The following TCF12 variants were observed in gnomAD, a reference collection of about 807,000 sequenced individuals.
The protein encoded by TCF12 is DNA-binding protein HTF4.
TCF12 carries 45 observed loss-of-function variants against 86.0 expected under a neutral mutation model. That is an observed-to-expected ratio of 0.52 (90% confidence interval 0.41 to 0.67). TCF12 has a LOEUF of 0.67. TCF12 is among the 30% of genes least tolerant of loss of function. The pLI, the probability that TCF12 is intolerant of heterozygous loss-of-function variation, is 0.00. For synonymous variants in TCF12, 330 were observed against 299.6 expected (o/e 1.10, Z -1.05); for missense variants, 881 against 859.9 (o/e 1.02, Z -0.31).
rs2060625195 is a variant in TCF12 at position 57,262,271 on chromosome 15, C to T, written c.1582+63C>T. 6.0e-6 allele frequency: 7 copies of T among 1,163,858 alleles called. No individual in the cohort carries two copies. The East Asian group carries it at 1.8e-4, about 29-fold the overall frequency. 72.1% of individuals were successfully genotyped at this position (1,163,858 alleles called of 1,614,324 possible). A position where few individuals can be genotyped will look rare whatever the true frequency, so the allele number is the denominator to read the frequency against. ...GAGATATCATTTGGAACACTGTCAC[C>T]TTTCTCACAGCTGGATTGACATCTG... On this transcript the variant is annotated intron_variant, in intron 17 of 20. Coordinates refer to ENST00000333725, the MANE Select transcript of TCF12 (RefSeq NM_207037.2).
chr15:57,218,966 C>A (rs1441248322), intron 8 of TCF12: 8 of 925,164 alleles, frequency 8.6e-6, no homozygotes, highest in Non-Finnish European at 1.0e-5. Context: ...CTGTCTAGAT[C>A]CTTCTTGTTA....
chr15:57,264,195 C>CTTTTTGTTTTTTTTTTTT (rs2060728964), intron 18 of TCF12, among the ~76,000 whole-genome samples: 1 of 50,698 alleles, frequency 2.0e-5, no homozygotes, highest in African/African-American at 1.0e-4. Flanking sequence ...CTTTTGTAAG[C>CTTTTTGTTTTTTTTTTTT]TTTTTTTTTT....
At chr15:57,055,279 G>C (rs933105283) in intron 3 of TCF12, among the ~76,000 whole-genome samples, 1 of 152,148 alleles carries the variant, frequency 6.6e-6, no homozygotes, top group African/African-American at 2.4e-5. Flanking sequence ...GCGCACGCCG[G>C]TAATCCCAGC....
chr15:56,978,598 A>G (rs1157634851), intron 3 of TCF12, among the ~76,000 whole-genome samples: 2 of 152,358 alleles, frequency 1.3e-5, no homozygotes, highest in Admixed American at 1.3e-4. Flanking sequence ...GAATATTTTT[A>G]TTCCATTATT....
At chr15:57,130,240 G>A (rs1596696326) in intron 5 of TCF12, among the ~76,000 whole-genome samples, 2 of 152,210 alleles carry the variant, frequency 1.3e-5, no homozygotes, top group Non-Finnish European at 2.9e-5. Flanking sequence ...CAGCTAGAAT[G>A]GTTGAAGAAC....
At chr15:57,141,608 C>T (rs965028246) in intron 5 of TCF12, among the ~76,000 whole-genome samples, 12 of 152,210 alleles carry the variant, frequency 7.9e-5, no homozygotes, top group Admixed American at 1.3e-4. Flanking sequence ...CTCAGCCTCC[C>T]GAAGTGCTGG....
At chr15:56,984,470 T>C (rs1206829852) in intron 3 of TCF12, among the ~76,000 whole-genome samples, 4 of 152,102 alleles carry the variant, frequency 2.6e-5, no homozygotes, top group Non-Finnish European at 5.9e-5. Context: ...CATGAACAAA[T>C]TCTCTTGTCA....
At chr15:57,073,467 A>G (rs1248742263) in intron 4 of TCF12, among the ~76,000 whole-genome samples, 1 of 152,094 alleles carries the variant, frequency 6.6e-6, no homozygotes, top group African/African-American at 2.4e-5. Context: ...AGCACTTGTC[A>G]CAATTTAGTT....
At chr15:57,053,946 G>A (rs2067810667) in intron 3 of TCF12, among the ~76,000 whole-genome samples, 2 of 152,182 alleles carry the variant, frequency 1.3e-5, no homozygotes, top group African/African-American at 4.8e-5. Flanking sequence ...GGTTTTGCTG[G>A]TGTGATCCAG....
intron 5 of TCF12, among the ~76,000 whole-genome samples, chr15:57,155,517 A>T (rs1173776364): frequency 1.3e-5 from 2 of 152,146 alleles, no homozygotes; most frequent in Non-Finnish European, 2.9e-5. Context: ...TTAGCAGGCC[A>T]GGCATGGTGG....
rs546073970 is a variant in TCF12 at position 57,285,602 on chromosome 15, A to T, written c.*12-555A>T. On this transcript the variant is annotated intron_variant, in intron 20 of 20. Transcript: ENST00000333725. The stretch of plus-strand genomic sequence containing the variant: ...ACTGTGGTTGAGTGGAGGCAGCAGC[A>T]AATTGAGGGCTTTACCATTGTCTCA... 1.8e-4 allele frequency among the ~76,000 whole-genome samples: 27 copies of T among 152,176 alleles called. 1 individual carries two copies. In the South Asian group the frequency reaches 5.6e-3, roughly 32 times the overall value.
At chr15:57,151,838 C>T (rs2053784147) in intron 5 of TCF12, among the ~76,000 whole-genome samples, 1 of 151,834 alleles carries the variant, frequency 6.6e-6, no homozygotes, top group Non-Finnish European at 1.5e-5. Flanking sequence ...GGCCCAAGCA[C>T]ACAGTTTCTG....
chr15:57,288,381 T>TTATTGATTA lies in TCF12; in HGVS notation c.*2237_*2238insATTGATTAT, dbSNP rs1487750644. The TTATTGATTA allele has an allele frequency of 1.3e-5, 2 of 152,648 alleles. No homozygotes were observed. Among genetic ancestry groups the TTATTGATTA allele is most frequent in the African/African-American group, 4.8e-5 (2 of 41,450 alleles). The allele number at this position is 152,648 out of a possible 1,614,324, so 9.5% of individuals were successfully genotyped here. ...TTGCAGATTTGTATCCTGTGTCAAA[T>TTATTGATTA]TCAAGGTATTATTGATAAACCTTTT... On this transcript the variant is annotated 3_prime_UTR_variant, in exon 21 of 21. Coordinates refer to ENST00000333725, the MANE Select transcript of TCF12 (RefSeq NM_207037.2).
rs879824800 is a variant in TCF12 at position 56,958,692 on chromosome 15, T to A, written c.148+37594T>A. On this transcript the variant is annotated intron_variant, in intron 3 of 20. Coordinates refer to ENST00000333725, the MANE Select transcript of TCF12 (RefSeq NM_207037.2). ...GAGAGAGAGAGAGTGTGTGTGTGTG[T>A]GTGTGTGTGTGTGTGTGTGTGTGAA... Among the ~76,000 whole-genome samples, 100 of 63,668 alleles carry A rather than the reference T, an allele frequency of 1.6e-3. 2 individuals carry two copies. Among genetic ancestry groups the A allele is most frequent in the Admixed American group, 8.9e-3 (58 of 6,498 alleles). 41.8% of individuals were successfully genotyped at this position (63,668 alleles called of 152,430 possible). A position where few individuals can be genotyped will look rare whatever the true frequency, so the allele number is the denominator to read the frequency against.
rs55707134 is a variant in TCF12, at chr15:56,958,678, AGTGTGTGT to A, written c.148+37610_148+37617del. On this transcript the variant is annotated intron_variant, in intron 3 of 20. Coordinates refer to ENST00000333725, the MANE Select transcript of TCF12 (RefSeq NM_207037.2). ...ATATGAGAAAGAGAGAGAGAGAGAG[AGTGTGTGT>A]GTGTGTGTGTGTGTGTGTGTGTGTG... Among the ~76,000 whole-genome samples, 315 of 142,200 alleles carry A rather than the reference AGTGTGTGT, an allele frequency of 2.2e-3. 1 individual carries two copies. The highest frequency in any genetic ancestry group is 7.1e-3 in the African/African-American group (253 of 35,462). The allele number at this position is 142,200 out of a possible 152,430, so 93.3% of individuals were successfully genotyped here.
chr15:56,987,690 A>G (rs2063262696), intron 3 of TCF12, among the ~76,000 whole-genome samples: 1 of 152,244 alleles, frequency 6.6e-6, no homozygotes, highest in African/African-American at 2.4e-5. Context: ...TTGTTTACCA[A>G]TTAACATTGT....
chr15:57,239,564 G>T (rs2059525286), intron 12 of TCF12, among the ~76,000 whole-genome samples: 1 of 151,222 alleles, frequency 6.6e-6, no homozygotes, highest in Non-Finnish European at 1.5e-5. Flanking sequence ...GGGCAATTAT[G>T]TATAGGATGG....
chr15:57,192,383 T>C (rs2057028277), intron 7 of TCF12, 90 bp downstream of exon 7: 1 of 1,516,568 alleles, frequency 6.6e-7, no homozygotes, highest in South Asian at 1.3e-5. Context: ...GCTTTTTTTT[T>C]TTTTTCTTTC....
At chr15:57,095,018 T>C (rs1311574404) in intron 5 of TCF12, among the ~76,000 whole-genome samples, 1 of 152,246 alleles carries the variant, frequency 6.6e-6, no homozygotes, top group Admixed American at 6.5e-5. Flanking sequence ...TATATATTCA[T>C]GTATATATTT....
Sources: allele counts gnomAD v4.1 joint callset (sites outside exome capture counted in the v4.1 genomes callset), GRCh38; gene constraint gnomAD v4.1.1; transcripts MANE v1.5; gene names NCBI Gene and HGNC (gene_info 2026-07-23, HGNC 2026-07-21).